NPTXR: variants seen among roughly 807,000 people sequenced by gnomAD.
The protein encoded by NPTXR is neuronal pentraxin receptor.
NPTXR carries 12 observed loss-of-function variants against 32.2 expected under a neutral mutation model. The ratio of observed to expected loss-of-function variants is 0.37; its 90% CI spans 0.24 to 0.60. NPTXR has a LOEUF of 0.60. Among genes scored for constraint, NPTXR ranks in the 20% least tolerant of loss-of-function variants. The pLI, the probability that NPTXR is intolerant of heterozygous loss-of-function variation, is 0.66. For missense variants in NPTXR, 612 were observed against 682.9 expected (o/e 0.90, Z 1.16); for synonymous variants, 323 against 315.8 (o/e 1.02, Z -0.24).
In NPTXR at chr22:38,822,381, C is replaced by T. The variant is rs1159169796; in HGVS notation, c.*228G>A. On this transcript the variant is annotated 3_prime_UTR_variant, in exon 5 of 5. Coordinates refer to ENST00000333039, the MANE Select transcript of NPTXR (RefSeq NM_014293.4). ...TCCAGTGCAGTGCCAGGTGGGCAGG[C>T]TCCCACTGTTCACTTGAGACGCTCC... 9 of 569,250 alleles carry T rather than the reference C, an allele frequency of 1.6e-5. No individual in the cohort carries two copies. Among genetic ancestry groups the T allele is most frequent in the South Asian group, 2.0e-5 (1 of 49,818 alleles). The allele number at this position is 569,250 out of a possible 1,614,324, so 35.3% of individuals were successfully genotyped here.
intron 1 of NPTXR, among the ~76,000 whole-genome samples, chr22:38,838,508 C>T (rs2093127434): frequency 6.6e-6 from 1 of 151,886 alleles, no homozygotes; most frequent in Non-Finnish European, 1.5e-5. Flanking sequence ...ACCCCTCTCA[C>T]TCTGGGCTCC....
chr22:38,829,816 C>A (rs1205058388), intron 1 of NPTXR, among the ~76,000 whole-genome samples: 3 of 152,208 alleles, frequency 2.0e-5, no homozygotes, highest in Non-Finnish European at 4.4e-5. Context: ...AACCAAGAAC[C>A]CCACCTTTCC....
rs757408981 is a variant in NPTXR at position 38,823,121 on chromosome 22, TGG to T, written c.1238_1239del (p.Pro413HisfsTer21). 5 of 1,614,052 alleles carry T rather than the reference TGG, an allele frequency of 3.1e-6. No individual in the cohort carries two copies. Among genetic ancestry groups the T allele is most frequent in the Non-Finnish European group, 8.5e-7 (1 of 1,180,028 alleles). ...AAGATAAGGATCCCATGAGGCTTGA[TGG>T]GGTGCCAGGCAGCCAGGTTCTCACC... On this transcript the variant is annotated frameshift_variant, in exon 4 of 5. Transcript: ENST00000333039. LOFTEE classifies it high-confidence loss of function.
At chr22:38,831,125 G>C (rs2093115535) in intron 1 of NPTXR, among the ~76,000 whole-genome samples, 1 of 152,204 alleles carries the variant, frequency 6.6e-6, no homozygotes, top group Non-Finnish European at 1.5e-5. Flanking sequence ...TCTAAAACGG[G>C]AACAGGCTGG....
chr22:38,838,750 T>A (rs961803804), intron 1 of NPTXR, among the ~76,000 whole-genome samples: 4 of 151,848 alleles, frequency 2.6e-5, no homozygotes, highest in Admixed American at 6.6e-5. Flanking sequence ...CCTGGCTAAT[T>A]TTTTGCATTT....
intron 1 of NPTXR, among the ~76,000 whole-genome samples, chr22:38,829,305 T>C (rs1369216488): frequency 6.6e-6 from 1 of 152,128 alleles, no homozygotes; most frequent in African/African-American, 2.4e-5. Flanking sequence ...CAGCCCGGGA[T>C]GAGGTCTAAG....
At chr22:38,831,644 T>C (rs577640346) in intron 1 of NPTXR, among the ~76,000 whole-genome samples, 94 of 151,762 alleles carry the variant, frequency 6.2e-4, no homozygotes, top group African/African-American at 2.2e-3. Context: ...CAGGAAGCCT[T>C]GGACTGAGGC....
intron 1 of NPTXR, among the ~76,000 whole-genome samples, chr22:38,832,446 G>C (rs145788417): frequency 1.1e-3 from 165 of 152,348 alleles, no homozygotes; most frequent in Non-Finnish European, 2.0e-3. Context: ...GGGGTTTGGC[G>C]TAAGTGTGCT....
At chr22:38,833,163 C>T (rs1439547311) in intron 1 of NPTXR, among the ~76,000 whole-genome samples, 1 of 152,232 alleles carries the variant, frequency 6.6e-6, no homozygotes. Context: ...CCACCCTCTG[C>T]ACCACTGCCC....
chr22:38,830,326 C>A (rs1213125163), intron 1 of NPTXR, among the ~76,000 whole-genome samples: 2 of 152,188 alleles, frequency 1.3e-5, no homozygotes, highest in African/African-American at 2.4e-5. Context: ...CAGAGCCTGG[C>A]CCACAGTGGG....
In NPTXR at chr22:38,819,796, C is replaced by G. The variant is rs2093093829; in HGVS notation, c.*2813G>C. On this transcript the variant is annotated 3_prime_UTR_variant, in exon 5 of 5. Transcript: ENST00000333039. Reference sequence around the variant, plus strand: ...TGGGCCATGTCTGACTCCTCTTTCCCTGTCTGCTTGGATGTGCTCAGGGGC... The same window carrying G: ...TGGGCCATGTCTGACTCCTCTTTCCGTGTCTGCTTGGATGTGCTCAGGGGC... 1 of 152,628 alleles carries G rather than the reference C, an allele frequency of 6.6e-6. No individual in the cohort carries two copies. The highest frequency in any genetic ancestry group is 2.4e-5 in the African/African-American group (1 of 41,446). 9.5% of individuals were successfully genotyped at this position (152,628 alleles called of 1,614,324 possible). A position where few individuals can be genotyped will look rare whatever the true frequency, so the allele number is the denominator to read the frequency against.
rs868337809 is a variant in NPTXR, at chr22:38,838,674, C to T, written c.624+4561G>A. Among the ~76,000 whole-genome samples, 18 of 149,352 alleles carry T rather than the reference C, an allele frequency of 1.2e-4. No individual in the cohort carries two copies. The South Asian group carries it at 1.5e-3, about 12-fold the overall frequency. ...TCGGCTCACTGCAAGCTCCGCGTCC[C>T]GGGTTCACGTCATTCTCCTGCCTCA... is the stretch of plus-strand genomic sequence containing the variant. On this transcript the variant is annotated intron_variant, in intron 1 of 4. Transcript: ENST00000333039.
chr22:38,827,390 C>T (rs181363164), intron 2 of NPTXR, among the ~76,000 whole-genome samples: 45 of 151,978 alleles, frequency 3.0e-4, no homozygotes, highest in Middle Eastern at 3.4e-3. Flanking sequence ...TGCACCACCA[C>T]ACCCAGCTAA....
At chr22:38,839,981 G>A (rs1308995452) in intron 1 of NPTXR, among the ~76,000 whole-genome samples, 1 of 152,200 alleles carries the variant, frequency 6.6e-6, no homozygotes, top group Admixed American at 6.5e-5. Context: ...AGAAAATGAC[G>A]CAATTGAATG....
chr22:38,843,989 G>T lies in NPTXR; in HGVS notation c.-131C>A, dbSNP rs1644969535. 2.7e-6 allele frequency: 1 copy of T among 368,046 alleles called. No individual in the cohort carries two copies. The highest frequency in any genetic ancestry group is 3.7e-6 in the Non-Finnish European group (1 of 267,628). 22.8% of individuals were successfully genotyped at this position (368,046 alleles called of 1,614,324 possible). A position where few individuals can be genotyped will look rare whatever the true frequency, so the allele number is the denominator to read the frequency against. On this transcript the variant is annotated 5_prime_UTR_variant, in exon 1 of 5. Coordinates refer to ENST00000333039, the MANE Select transcript of NPTXR (RefSeq NM_014293.4). The surrounding 1 kb of genome is among the most constrained non-coding windows in gnomAD (Gnocchi z 5.3). ...GGAGCCGGAGCCGGAGCCGGAGCCG[G>T]AGCTGGAGCTGTCGCCGCGGCCGCT...
chr22:38,826,924 C>G (rs2093108100), intron 2 of NPTXR, among the ~76,000 whole-genome samples, 177 bp from the exon 3 acceptor site: 1 of 152,246 alleles, frequency 6.6e-6, no homozygotes, highest in South Asian at 2.1e-4. Context: ...AGTGCAGGGG[C>G]TCTGGACCTT....
At chr22:38,833,337 C>T (rs138752957) in intron 1 of NPTXR, among the ~76,000 whole-genome samples, 464 of 152,336 alleles carry the variant, frequency 3.0e-3, no homozygotes, top group African/African-American at 0.011. Flanking sequence ...CAGGGGCAGA[C>T]TGCAGGGGCA....
intron 1 of NPTXR, among the ~76,000 whole-genome samples, chr22:38,829,268 C>T (rs550440234): frequency 6.6e-6 from 1 of 152,254 alleles, no homozygotes; most frequent in East Asian, 1.9e-4. Flanking sequence ...GCAGGGTGTT[C>T]CAGGGTAGGC....
chr22:38,826,479 C>T (rs752713190), intron 3 of NPTXR, 21 bp downstream of exon 3: 73 of 1,586,018 alleles, frequency 4.6e-5, no homozygotes, highest in Non-Finnish European at 6.0e-5. Flanking sequence ...CCAGCCAGCC[C>T]TCCCTGCCAG....
Sources: gnomAD v4.1 joint callset for allele counts (sites outside exome capture counted in the v4.1 genomes callset) on GRCh38, gnomAD v4.1.1 for gene constraint, Gnocchi (gnomAD v3.1) non-coding constraint, MANE v1.5 for transcripts, NCBI Gene and HGNC (gene_info 2026-07-23, HGNC 2026-07-21) for gene names.